Variants in NPAT observed in about 807,000 individuals in gnomAD.
NPAT encodes the protein nuclear protein, coactivator of histone transcription.
NPAT carries 52 observed loss-of-function variants against 130.7 expected under a neutral mutation model. That is an observed-to-expected ratio of 0.40 (90% confidence interval 0.32 to 0.50). The LOEUF is 0.50. Ranked by LOEUF, NPAT falls within the 20% of genes least tolerant of loss-of-function variation. The pLI is 0.68. For missense variants in NPAT, 1,687 were observed against 1,662.6 expected, an observed-to-expected ratio of 1.01 and a Z score of -0.26; for synonymous variants, 580 against 584.8, an observed-to-expected ratio of 0.99 and a Z score of 0.12.
chr11:108,170,218 A>T lies in NPAT; in HGVS notation c.2786-175T>A, dbSNP rs1291870485. On this transcript the variant is annotated intron_variant, in intron 13 of 17. Transcript: ENST00000278612. ...AAACAAAACAAAAAAAACGAAACTG[A>T]AACAGTTTTAGGAAAAACAGCAAGG... The T allele has an allele frequency of 1.7e-4, 101 of 588,864 alleles. 1 individual carries two copies. The East Asian group carries it at 2.9e-3, about 17-fold the overall frequency. The allele number at this position is 588,864 out of a possible 1,614,324, so 36.5% of individuals were successfully genotyped here.
At position 108,173,123 on chromosome 11, in the gene NPAT, C is replaced by A; in HGVS notation, c.1861G>T (p.Val621Leu). 6.2e-7 allele frequency: 1 copy of A among 1,614,014 alleles called. No individual in the cohort carries two copies. Among genetic ancestry groups the A allele is most frequent in the Non-Finnish European group, 8.5e-7 (1 of 1,179,962 alleles). ...ESSHLNVSGQ[V>L]EIHLGDSLSS... is the part of the protein sequence containing the mutation. ...AGCGAATCTCCAAGATGAATTTCTA[C>A]TTGTCCAGATACATTTAAATGTGAA... The change falls in exon 13 of 18, where the codon GTA (valine) becomes TTA (leucine). Residue 621 changes from valine (V) to leucine (L), a missense_variant. By Grantham distance (32) the Val-to-Leu change is conservative. Transcript: ENST00000278612.
At chr11:108,182,895 C>T (rs770819052) in intron 10 of NPAT, among the ~76,000 whole-genome samples, 3 of 152,184 alleles carry the variant, frequency 2.0e-5, no homozygotes, top group Non-Finnish European at 4.4e-5. Flanking sequence ...AACAGAGTAC[C>T]CTGATTATGG....
In NPAT at chr11:108,158,352, ATACT is replaced by A. The variant is rs1395753150; in HGVS notation, c.*586_*589del. 6.7e-6 allele frequency: 1 copy of A among 149,682 alleles called. No individual in the cohort carries two copies. Among genetic ancestry groups the A allele is most frequent in the Admixed American group, 6.9e-5 (1 of 14,540 alleles). 9.3% of individuals were successfully genotyped at this position (149,682 alleles called of 1,614,324 possible). A position where few individuals can be genotyped will look rare whatever the true frequency, so the allele number is the denominator to read the frequency against. On this transcript the variant is annotated 3_prime_UTR_variant, in exon 18 of 18. Transcript: ENST00000278612. ...TAAAGTGTGAAATTCCAGAAATATAATACTTACAGCAATTATAAGAAAGGGGTAG... is the reference window on the plus strand; with the variant it reads ...TAAAGTGTGAAATTCCAGAAATATAATACAGCAATTATAAGAAAGGGGTAG...
Position 108,188,112 on chromosome 11 carries a change from G to A in NPAT, c.624C>T (p.Pro208=), listed in dbSNP as rs1415693434. Residue 208 remains proline, a synonymous_variant, in exon 7 of 18, where the codon CCC becomes CCT. Transcript: ENST00000278612. ...EKKAHASLMS[P]GRRKSESQRK... Reference sequence around the variant, plus strand: ...AAAGCATTTACCTTTTGCGTCTACCGGGAGACATTAAACTGGCATGTGCTT... The same window carrying A: ...AAAGCATTTACCTTTTGCGTCTACCAGGAGACATTAAACTGGCATGTGCTT... 1.2e-5 allele frequency: 19 copies of A among 1,611,872 alleles called. No individual in the cohort carries two copies. The highest frequency in any genetic ancestry group is 1.5e-5 in the Non-Finnish European group (18 of 1,178,914).
chr11:108,180,669 AT>A (rs1382459469), intron 10 of NPAT, among the ~76,000 whole-genome samples: 1 of 152,226 alleles, frequency 6.6e-6, no homozygotes, highest in Non-Finnish European at 1.5e-5. Context: ...GAAAAATAGA[AT>A]TACCAGGTCC....
chr11:108,164,984 G>C (rs1382301702), intron 15 of NPAT, among the ~76,000 whole-genome samples: 2 of 152,094 alleles, frequency 1.3e-5, no homozygotes, highest in Non-Finnish European at 2.9e-5. Context: ...ATTCCAGCCT[G>C]GGCGACAAGA....
At position 108,173,513 on chromosome 11, in the gene NPAT, A is replaced by G. The variant is rs1382376970; in HGVS notation, c.1471T>C (p.Ser491Pro). The change falls in exon 13 of 18, where the codon TCT (serine) becomes CCT (proline). Residue 491 changes from serine (S) to proline (P), a missense_variant. Coordinates refer to ENST00000278612, the MANE Select transcript of NPAT (RefSeq NM_002519.3). The part of the protein sequence containing the change: ...MAIGIEKNSL[S>P]SNVPSESQLQ... Reference sequence around the variant, plus strand: ...TGAGATTCACTCGGTACATTTGAAGACAAAGAGTTCTTTTCAATCCCTATA... The same window carrying G: ...TGAGATTCACTCGGTACATTTGAAGGCAAAGAGTTCTTTTCAATCCCTATA... The G allele has an allele frequency of 1.9e-6, 3 of 1,614,058 alleles. No homozygotes were observed. Among genetic ancestry groups the G allele is most frequent in the South Asian group, 2.2e-5 (2 of 91,092 alleles).
At chr11:108,199,908 T>C (rs2078258316) in intron 1 of NPAT, among the ~76,000 whole-genome samples, 1 of 152,204 alleles carries the variant, frequency 6.6e-6, no homozygotes, top group Non-Finnish European at 1.5e-5. Context: ...TCTTCCTGGC[T>C]CCTATCTCTT....
At chr11:108,185,759 G>A (rs2078100989) in intron 8 of NPAT, among the ~76,000 whole-genome samples, 1 of 152,088 alleles carries the variant, frequency 6.6e-6, no homozygotes, top group Non-Finnish European at 1.5e-5. Flanking sequence ...TTTTTACAGT[G>A]TCGCTCTATA....
At chr11:108,202,036 T>G (rs2078279821) in intron 1 of NPAT, among the ~76,000 whole-genome samples, 1 of 152,158 alleles carries the variant, frequency 6.6e-6, no homozygotes, top group Non-Finnish European at 1.5e-5. Context: ...GCCTCTCTCC[T>G]CAGGCACAAG....
chr11:108,185,376 T>C, intron 9 of NPAT, 27 bp downstream of exon 9: 1 of 1,575,442 alleles, frequency 6.3e-7, no homozygotes, highest in Non-Finnish European at 8.7e-7. Flanking sequence ...CAAAAACAAT[T>C]AGGCATTTTA....
chr11:108,204,146 T>C (rs748404759), intron 1 of NPAT, among the ~76,000 whole-genome samples: 9 of 152,208 alleles, frequency 5.9e-5, no homozygotes, highest in Middle Eastern at 3.4e-3. Flanking sequence ...AGAGGGAGGA[T>C]TGATAGCAGC....
At chr11:108,183,282 T>C (rs942443935) in intron 10 of NPAT, among the ~76,000 whole-genome samples, 3 of 152,148 alleles carry the variant, frequency 2.0e-5, no homozygotes, top group African/African-American at 7.2e-5. Flanking sequence ...CCACTGTGCC[T>C]GGCCCATATT....
At chr11:108,186,402 A>G in intron 8 of NPAT, 80 bp downstream of exon 8, 1 of 992,506 alleles carries the variant, frequency 1.0e-6, no homozygotes, top group African/African-American at 1.6e-5. Flanking sequence ...ATACATACAC[A>G]CATACATACA....
intron 1 of NPAT, chr11:108,208,476 T>C (rs1383980587): frequency 4.4e-6 from 2 of 455,714 alleles, no homozygotes; most frequent in Admixed American, 4.7e-5. Flanking sequence ...TAGTTCCAGC[T>C]GCTCTGGAGG....
rs954779180 is a variant in NPAT at position 108,160,827 on chromosome 11, C to T, written c.4206+53G>A. ...GGCAAGAACTGCTGAATTCGCTAAT[C>T]ACTAAAGCGGAAAAAAAAGGTGTGG... On this transcript the variant is annotated intron_variant, in intron 17 of 17. Transcript: ENST00000278612. 6.0e-6 allele frequency: 9 copies of T among 1,509,402 alleles called. No homozygotes were observed. The African/African-American group carries it at 1.2e-4, about 21-fold the overall frequency. The allele number at this position is 1,509,402 out of a possible 1,614,324, so 93.5% of individuals were successfully genotyped here.
rs1246527882 is a variant in NPAT at position 108,181,626 on chromosome 11, C to A, written c.906+3606G>T. 2.0e-4 allele frequency among the ~76,000 whole-genome samples: 30 copies of A among 151,972 alleles called. 1 individual carries two copies. Among genetic ancestry groups the A allele is most frequent in the Admixed American group, 1.9e-3 (29 of 15,252 alleles). ...AAAATAAACACTCCCCTTTGGGCTT[C>A]AAAATGGTAGGCACTTCTTTCACCA... On this transcript the variant is annotated intron_variant, in intron 10 of 17. Transcript: ENST00000278612.
At position 108,189,203 on chromosome 11, in the gene NPAT, T is replaced by C. The variant is rs755668685; in HGVS notation, c.459A>G (p.Thr153=). The C allele has an allele frequency of 3.1e-6, 5 of 1,614,214 alleles. No homozygotes were observed. The highest frequency in any genetic ancestry group is 4.2e-6 in the Non-Finnish European group (5 of 1,180,034). ...LSGQFTTPPS[T]GTQVTRPSGQ... ...CACTTGGTCGAGTAACCTGTGTACC[T>C]GTGGAAGGAGGAGTGGTAAACTGTC... Residue 153 remains threonine, a synonymous_variant, in exon 6 of 18, where the codon ACA becomes ACG. Coordinates refer to ENST00000278612, the MANE Select transcript of NPAT (RefSeq NM_002519.3).
rs2078158541 is a variant in NPAT, at chr11:108,190,445, A to C, written c.331+15T>G. The C allele has an allele frequency of 6.8e-6, 11 of 1,609,278 alleles. No individual in the cohort carries two copies. Among genetic ancestry groups the C allele is most frequent in the Non-Finnish European group, 9.4e-6 (11 of 1,175,518 alleles). ...TTGAAGTAATTGTGAACATTGTTTAAAGTTGGATACCAACCTCTCTGACTG... is the reference window on the plus strand; with the variant it reads ...TTGAAGTAATTGTGAACATTGTTTACAGTTGGATACCAACCTCTCTGACTG... On this transcript the variant is annotated intron_variant, in intron 5 of 17. Transcript: ENST00000278612.
Sources: gnomAD v4.1 joint callset for allele counts (sites outside exome capture counted in the v4.1 genomes callset) on GRCh38, gnomAD v4.1.1 for gene constraint, MANE v1.5 for transcripts, NCBI Gene and HGNC (gene_info 2026-07-23, HGNC 2026-07-21) for gene names.